The following LDLRAD3 variants were observed in gnomAD, a reference collection of about 807,000 sequenced individuals.
LDLRAD3 encodes the protein low density lipoprotein receptor class A domain containing 3.
In LDLRAD3, 20 loss-of-function variants were observed where a neutral mutation model predicts 29.4. The ratio of observed to expected loss-of-function variants is 0.68; its 90% CI spans 0.48 to 0.99. LDLRAD3 has a LOEUF of 0.99. Ranked by LOEUF, LDLRAD3 falls within the 50% of genes least tolerant of loss-of-function variation. LDLRAD3 has a pLI of 0.00. For missense variants in LDLRAD3, 420 were observed against 454.3 expected (o/e 0.92, Z 0.69); for synonymous variants, 157 against 192.7 (o/e 0.81, Z 1.53).
chr11:36,155,955 C>G (rs1854344165), intron 4 of LDLRAD3, among the ~76,000 whole-genome samples: 1 of 152,162 alleles, frequency 6.6e-6, no homozygotes, highest in African/African-American at 2.4e-5. Context: ...GAGGAAAGAG[C>G]TTTGAGCTGG....
chr11:36,111,571 A>T (rs1853605777), intron 4 of LDLRAD3, among the ~76,000 whole-genome samples: 1 of 149,882 alleles, frequency 6.7e-6, no homozygotes, highest in Non-Finnish European at 1.5e-5. Flanking sequence ...CTGGAAACCC[A>T]CCATGTTATC....
chr11:36,102,969 T>C (rs1853471824), intron 4 of LDLRAD3, among the ~76,000 whole-genome samples: 2 of 152,186 alleles, frequency 1.3e-5, no homozygotes, highest in South Asian at 2.1e-4. Context: ...CCCATTCTTT[T>C]GGCGTGTGTC....
rs112905689 is a variant in LDLRAD3 at position 35,983,409 on chromosome 11, C to T, written c.46+39265C>T. Among the ~76,000 whole-genome samples, 806 of 152,238 alleles carry T rather than the reference C, an allele frequency of 5.3e-3. 19 individuals carry two copies. Among genetic ancestry groups the T allele is most frequent in the African/African-American group, 0.019 (773 of 41,546 alleles). ...ATATTTCTGGTCACTGCTCTCTCCC[C>T]GTATCCATATAACAAACCGCATGGA... On this transcript the variant is annotated intron_variant, in intron 1 of 5. Transcript: ENST00000315571.
intron 4 of LDLRAD3, among the ~76,000 whole-genome samples, chr11:36,152,136 T>C (rs1854286637): frequency 6.6e-6 from 1 of 152,198 alleles, no homozygotes; most frequent in African/African-American, 2.4e-5. Flanking sequence ...AAATGCTCTC[T>C]TTCCCTCCAA....
intron 2 of LDLRAD3, among the ~76,000 whole-genome samples, chr11:36,063,950 C>T (rs1423654006): frequency 6.6e-6 from 1 of 152,148 alleles, no homozygotes; most frequent in Admixed American, 6.5e-5. Flanking sequence ...TGCCAAGAAG[C>T]TAGCTGAGAT....
chr11:36,027,094 C>T (rs1852176808), intron 1 of LDLRAD3, among the ~76,000 whole-genome samples: 1 of 152,180 alleles, frequency 6.6e-6, no homozygotes, highest in Admixed American at 6.5e-5. Context: ...GTGAGCTTCA[C>T]TAGGAGTTGC....
In LDLRAD3 at chr11:36,227,115, C is replaced by T; in HGVS notation, c.485C>T (p.Ser162Leu). The change falls in exon 5 of 6, where the codon TCA (serine) becomes TTA (leucine). Residue 162 changes from serine (S) to leucine (L), a missense_variant. Transcript: ENST00000315571. The stretch of plus-strand genomic sequence containing the variant: ...GGCAGTGGGCAGGTGTTTGTGACTT[C>T]AGAGAACCAACTTGTGTATTACCCC... ...EPGSGQVFVT[S>L]ENQLVYYPSI... The T allele has an allele frequency of 1.2e-6, 2 of 1,605,810 alleles. No individual in the cohort carries two copies. Among genetic ancestry groups the T allele is most frequent in the Non-Finnish European group, 1.7e-6 (2 of 1,173,734 alleles).
At chr11:36,221,969 G>A (rs1047252605) in intron 4 of LDLRAD3, among the ~76,000 whole-genome samples, 4 of 152,104 alleles carry the variant, frequency 2.6e-5, no homozygotes, top group East Asian at 1.9e-4. Context: ...AAGATTGTAC[G>A]GATACACCAT....
At chr11:36,033,173 C>T (rs1467354249) in intron 1 of LDLRAD3, among the ~76,000 whole-genome samples, 1 of 152,154 alleles carries the variant, frequency 6.6e-6, no homozygotes, top group Non-Finnish European at 1.5e-5. Context: ...GTTACCGGCC[C>T]TCCTCATGCT....
At chr11:36,096,549 T>TCC (rs1182766197) in intron 3 of LDLRAD3, among the ~76,000 whole-genome samples, 1 of 152,248 alleles carries the variant, frequency 6.6e-6, no homozygotes, top group Non-Finnish European at 1.5e-5. Context: ...AGGACCGAGA[T>TCC]TCACATAATG....
chr11:36,172,895 G>T (rs1854617504), intron 4 of LDLRAD3, among the ~76,000 whole-genome samples: 1 of 152,266 alleles, frequency 6.6e-6, no homozygotes, highest in Admixed American at 6.5e-5. Context: ...TAGTTTCAGT[G>T]GGATTGGTAC....
At chr11:35,949,433 G>T (rs184188171) in intron 1 of LDLRAD3, among the ~76,000 whole-genome samples, 1 of 152,246 alleles carries the variant, frequency 6.6e-6, no homozygotes, top group East Asian at 1.9e-4. Flanking sequence ...AACCCTGGAA[G>T]TTCCCCTTCC....
chr11:36,061,630 G>A (rs545722842), intron 2 of LDLRAD3, among the ~76,000 whole-genome samples: 7 of 152,232 alleles, frequency 4.6e-5, no homozygotes, highest in African/African-American at 9.6e-5. Flanking sequence ...TGTTTTGGGC[G>A]GCTCTTTTCA....
chr11:36,199,585 A>ACACACACACACGCACG (rs771281624), intron 4 of LDLRAD3, among the ~76,000 whole-genome samples: 67 of 150,462 alleles, frequency 4.5e-4, no homozygotes, highest in South Asian at 1.9e-3. Context: ...ACACACACAC[A>ACACACACACACGCACG]CACGCACGCA....
At chr11:35,999,544 G>A (rs1191871230) in intron 1 of LDLRAD3, among the ~76,000 whole-genome samples, 3 of 152,122 alleles carry the variant, frequency 2.0e-5, no homozygotes, top group African/African-American at 7.2e-5. Context: ...CATTGGAGGC[G>A]GCTGCGTTCT....
At chr11:36,191,576 C>CTCTCTCTCTATATATATATA (rs377747518) in intron 4 of LDLRAD3, among the ~76,000 whole-genome samples, 3 of 53,430 alleles carry the variant, frequency 5.6e-5, no homozygotes, top group African/African-American at 1.7e-4. Flanking sequence ...CTCTCTCTCT[C>CTCTCTCTCTATATATATATA]TATATATATA....
intron 4 of LDLRAD3, among the ~76,000 whole-genome samples, chr11:36,149,255 G>A (rs962053241): frequency 2.6e-5 from 4 of 152,212 alleles, no homozygotes; most frequent in African/African-American, 9.6e-5. Flanking sequence ...GACATCAGAC[G>A]TCAGGGGATG....
chr11:36,035,403 G>C (rs1489578799), intron 1 of LDLRAD3, among the ~76,000 whole-genome samples: 1 of 152,096 alleles, frequency 6.6e-6, no homozygotes, highest in South Asian at 2.1e-4. Context: ...TTGGCTGTTC[G>C]GGTTGGGGGC....
At chr11:36,118,932 G>A (rs1308927824) in intron 4 of LDLRAD3, among the ~76,000 whole-genome samples, 1 of 152,102 alleles carries the variant, frequency 6.6e-6, no homozygotes, top group Non-Finnish European at 1.5e-5. Context: ...TAGTGATAGA[G>A]TTATATAATA....
Sources: allele counts gnomAD v4.1 joint callset (sites outside exome capture counted in the v4.1 genomes callset), GRCh38; gene constraint gnomAD v4.1.1; transcripts MANE v1.5; gene names NCBI Gene and HGNC (gene_info 2026-07-23, HGNC 2026-07-21).